ATP6V0A2: variants seen among roughly 807,000 people sequenced by gnomAD.
ATP6V0A2 encodes the protein V-type proton ATPase 116 kDa subunit a 2.
A neutral mutation model predicts 104.4 loss-of-function variants in ATP6V0A2; 58 were observed. That is an observed-to-expected ratio of 0.56 (90% CI 0.45 to 0.69). The LOEUF is 0.69. Ranked by LOEUF, ATP6V0A2 falls within the 30% of genes least tolerant of loss-of-function variation. ATP6V0A2 has a pLI of 0.00. For synonymous variants in ATP6V0A2, 376 were observed against 397.9 expected (o/e 0.95, Z 0.65); for missense variants, 938 against 1,062.9 (o/e 0.88, Z 1.63).
chr12:123,744,409 C>T lies in ATP6V0A2; in HGVS notation c.1326+72C>T. ...AGCAGTGACCGAAAGAGAGACACCT[C>T]TTAGATGTTTGCTGTAGGCTGCGGC... On this transcript the variant is annotated intron_variant, in intron 11 of 19. Coordinates refer to ENST00000330342, the MANE Select transcript of ATP6V0A2 (RefSeq NM_012463.4). The surrounding 1 kb of genome is among the most constrained non-coding windows in gnomAD (Gnocchi z 5.4). 1 of 1,601,492 alleles carries T rather than the reference C, an allele frequency of 6.2e-7. No homozygotes were observed.
intron 4 of ATP6V0A2, among the ~76,000 whole-genome samples, chr12:123,725,046 C>T (rs1350433183): frequency 6.6e-6 from 1 of 152,142 alleles, no homozygotes; most frequent in Non-Finnish European, 1.5e-5. Flanking sequence ...AGAGATTGTC[C>T]TGCCTCAGCC....
At chr12:123,725,580 C>CCAG (rs1329468010) in intron 4 of ATP6V0A2, among the ~76,000 whole-genome samples, 1 of 152,024 alleles carries the variant, frequency 6.6e-6, no homozygotes, top group Non-Finnish European at 1.5e-5. Flanking sequence ...GAGTTCAAGA[C>CCAG]CAGCCTGAAC....
intron 16 of ATP6V0A2, among the ~76,000 whole-genome samples, chr12:123,751,759 C>T (rs1445198044): frequency 6.6e-6 from 1 of 152,180 alleles, no homozygotes; most frequent in East Asian, 1.9e-4. Context: ...GGGTTTAACT[C>T]AGTCCTTCAG....
At chr12:123,743,682 C>A in intron 9 of ATP6V0A2, 103 bp from the exon 10 acceptor site, 3 of 1,362,482 alleles carry the variant, frequency 2.2e-6, no homozygotes, top group Non-Finnish European at 3.1e-6. Context: ...ACAACACCAC[C>A]AAAAAAAACC....
chr12:123,745,698 ACT>A (rs902905836), intron 13 of ATP6V0A2, among the ~76,000 whole-genome samples: 3 of 125,660 alleles, frequency 2.4e-5, no homozygotes, highest in South Asian at 2.7e-4. Context: ...GGAGCGAGAG[ACT>A]CTGTCTCAAA....
chr12:123,748,530 A>T, intron 14 of ATP6V0A2, 45 bp from the exon 15 acceptor site: 1 of 1,413,156 alleles, frequency 7.1e-7, no homozygotes, highest in South Asian at 1.2e-5. Context: ...TTTTTAACTT[A>T]GGCTGATCTT....
rs1430082834 is a variant in ATP6V0A2, at chr12:123,733,967, G to T, written c.690G>T (p.Trp230Cys). 3 of 1,613,424 alleles carry T rather than the reference G, an allele frequency of 1.9e-6. No individual in the cohort carries two copies. The highest frequency in any genetic ancestry group is 1.7e-6 in the Non-Finnish European group (2 of 1,179,520). ...IKWYVFLISFWGEQIGHKVKK... is the reference protein window; with the variant it reads ...IKWYVFLISFCGEQIGHKVKK... ...GGTATGTCTTTTTAATATCCTTTTG[G>T]GGAGAGCAGATTGGCCACAAGGTTA... is the stretch of plus-strand genomic sequence containing the variant. Residue 230 changes from tryptophan to cysteine, a missense_variant, in exon 7 of 20, where the codon TGG (tryptophan) becomes TGT (cysteine). Transcript: ENST00000330342.
intron 15 of ATP6V0A2, among the ~76,000 whole-genome samples, chr12:123,749,615 TA>T (rs1286405628): frequency 6.6e-6 from 1 of 152,196 alleles, no homozygotes; most frequent in African/African-American, 2.4e-5. Context: ...CCAAAGTGCG[TA>T]CGAACGTGCT....
chr12:123,747,063 G>T lies in ATP6V0A2; in HGVS notation c.1606-544G>T, dbSNP rs554175802. The stretch of plus-strand genomic sequence containing the variant: ...GGGGAAGTTACGGGGACTCAGACTG[G>T]CCGGGGCACCGTGGGGAGGTCAGCC... On this transcript the variant is annotated intron_variant, in intron 13 of 19. Transcript: ENST00000330342. Among the ~76,000 whole-genome samples, 7 of 152,320 alleles carry T rather than the reference G, an allele frequency of 4.6e-5. No individual in the cohort carries two copies. The East Asian group carries it at 1.3e-3, about 29-fold the overall frequency.
chr12:123,757,326 A>T (rs1956774566), intron 19 of ATP6V0A2, among the ~76,000 whole-genome samples: 1 of 151,998 alleles, frequency 6.6e-6, no homozygotes, highest in Non-Finnish European at 1.5e-5. Context: ...CTATAATACC[A>T]GCTTCTTGGG....
At chr12:123,745,436 A>G (rs1460450907) in intron 13 of ATP6V0A2, among the ~76,000 whole-genome samples, 1 of 152,216 alleles carries the variant, frequency 6.6e-6, no homozygotes, top group South Asian at 2.1e-4. Flanking sequence ...AAAATGGGGA[A>G]GTACTCACGC....
chr12:123,729,826 A>G (rs758125617), intron 6 of ATP6V0A2, among the ~76,000 whole-genome samples: 10 of 151,764 alleles, frequency 6.6e-5, no homozygotes, highest in Non-Finnish European at 1.5e-4. Context: ...ATTGATTTTT[A>G]CTTTTTTAGA....
At chr12:123,734,846 T>C (rs1309222756) in intron 7 of ATP6V0A2, among the ~76,000 whole-genome samples, 1 of 152,200 alleles carries the variant, frequency 6.6e-6, no homozygotes, top group Non-Finnish European at 1.5e-5. Context: ...TTTTCATAGA[T>C]AGATATTTGT....
chr12:123,738,564 T>G lies in ATP6V0A2; in HGVS notation c.1038+1293T>G, dbSNP rs553063705. 4.1e-4 allele frequency among the ~76,000 whole-genome samples: 62 copies of G among 152,358 alleles called. No individual in the cohort carries two copies. In the South Asian group the frequency reaches 0.012, roughly 31 times the overall value. ...CCCAGTTTGTCCCTCGTCTTTTGAC[T>G]TAGGATGTTTCTGTTTGTTTATTTG... On this transcript the variant is annotated intron_variant, in intron 9 of 19. Coordinates refer to ENST00000330342, the MANE Select transcript of ATP6V0A2 (RefSeq NM_012463.4).
chr12:123,756,104 A>G lies in ATP6V0A2; in HGVS notation c.2294-711A>G, dbSNP rs541080624. On this transcript the variant is annotated intron_variant, in intron 18 of 19. Coordinates refer to ENST00000330342, the MANE Select transcript of ATP6V0A2 (RefSeq NM_012463.4). The stretch of plus-strand genomic sequence containing the variant: ...TCAAAAAAAAAAAAAAAAAAACCGA[A>G]AAACAACTCTCTTATTGTTGGCCAA... 1.3e-4 allele frequency among the ~76,000 whole-genome samples: 19 copies of G among 151,136 alleles called. 1 individual carries two copies. The South Asian group carries it at 3.3e-3, about 26-fold the overall frequency.
Position 123,744,483 on chromosome 12 carries a change from T to C in ATP6V0A2, c.1327-114T>C. 6.4e-7 allele frequency: 1 copy of C among 1,560,738 alleles called. No homozygotes were observed. Among genetic ancestry groups the C allele is most frequent in the South Asian group, 1.1e-5 (1 of 89,476 alleles). Reference sequence around the variant, plus strand: ...GTCAGCTGCGGCTGACAGGGATGTCTGCGGGGCGAGGCTGTTTTCTGAGAA... The same window carrying C: ...GTCAGCTGCGGCTGACAGGGATGTCCGCGGGGCGAGGCTGTTTTCTGAGAA... On this transcript the variant is annotated intron_variant, in intron 11 of 19. Transcript: ENST00000330342. This position sits in a 1 kb window ranked among gnomAD's most constrained non-coding sequence, Gnocchi z 5.4.
intron 1 of ATP6V0A2, among the ~76,000 whole-genome samples, chr12:123,713,171 TAGAA>T (rs1448679382): frequency 5.3e-5 from 8 of 151,914 alleles, no homozygotes; most frequent in Admixed American, 5.2e-4. Flanking sequence ...GAGACCCAAA[TAGAA>T]AGGAGCCAGC....
In ATP6V0A2 at chr12:123,737,157, C is replaced by T; in HGVS notation, c.924C>T (p.Ile308=). 6.2e-7 allele frequency: 1 copy of T among 1,614,204 alleles called. No individual in the cohort carries two copies. Among genetic ancestry groups the T allele is most frequent in the Non-Finnish European group, 8.5e-7 (1 of 1,180,032 alleles). The change falls in exon 9 of 20, where the codon ATC becomes ATT. Residue 308 remains isoleucine, a synonymous_variant. Coordinates refer to ENST00000330342, the MANE Select transcript of ATP6V0A2 (RefSeq NM_012463.4). Reference sequence around the variant, plus strand: ...TCCAGGTGAAGAAAATGAAGGCCATCTATCACATGCTGAACATGTGCAGCT... The same window carrying T: ...TCCAGGTGAAGAAAATGAAGGCCATTTATCACATGCTGAACATGTGCAGCT... The part of the protein sequence containing the change: ...RVIQVKKMKA[I]YHMLNMCSFD...
Position 123,749,757 on chromosome 12 carries a change from C to T in ATP6V0A2, c.1935+972C>T, listed in dbSNP as rs890741878. On this transcript the variant is annotated intron_variant, in intron 15 of 19. Coordinates refer to ENST00000330342, the MANE Select transcript of ATP6V0A2 (RefSeq NM_012463.4). ...ATGCTGGTCCAGACATGGCTCACCA[C>T]GTTGTAAAGTGTCTGTGAGGACATC... is the stretch of plus-strand genomic sequence containing the variant. 5.3e-5 allele frequency among the ~76,000 whole-genome samples: 8 copies of T among 152,172 alleles called. No homozygotes were observed. In the East Asian group the frequency reaches 7.7e-4, roughly 15 times the overall value.
Sources: allele counts gnomAD v4.1 joint callset (sites outside exome capture counted in the v4.1 genomes callset), GRCh38; gene constraint gnomAD v4.1.1; non-coding constraint Gnocchi (gnomAD v3.1); transcripts MANE v1.5; gene names NCBI Gene and HGNC (gene_info 2026-07-23, HGNC 2026-07-21).